Variants in TMEM217 observed in about 807,000 individuals in gnomAD.
TMEM217 encodes transmembrane protein 217, also known as chromosome 6 open reading frame 128.
For missense variants in TMEM217, 204 were observed against 248.8 expected (o/e 0.82, Z 1.21); for synonymous variants, 76 against 88.3 (o/e 0.86, Z 0.78).
At chr6:37,240,302 G>A (rs1764701748) in intron 1 of TMEM217, among the ~76,000 whole-genome samples, 1 of 152,198 alleles carries the variant, frequency 6.6e-6, no homozygotes, top group African/African-American at 2.4e-5. Context: ...GGCCTGGGCT[G>A]GGGGCCATCT....
intron 1 of TMEM217, among the ~76,000 whole-genome samples, chr6:37,244,403 A>G (rs1479333156): frequency 6.6e-6 from 1 of 152,242 alleles, no homozygotes; most frequent in African/African-American, 2.4e-5. Context: ...GTAAACTTCT[A>G]TTGTGTCTAA....
At chr6:37,224,966 T>C (rs894059553) in intron 1 of TMEM217, among the ~76,000 whole-genome samples, 3 of 150,898 alleles carry the variant, frequency 2.0e-5, no homozygotes, top group Admixed American at 2.0e-4. Context: ...ATTGCTTGAG[T>C]ACAGGAGTTC....
At chr6:37,217,975 G>C in exon 2 of TMEM217, 2 of 988,428 alleles carry the variant, frequency 2.0e-6, no homozygotes, top group Non-Finnish European at 2.4e-6. Context: ...AGGATGTTCC[G>C]GTTGTGATTA....
chr6:37,243,436 C>T (rs1764890380), intron 1 of TMEM217, among the ~76,000 whole-genome samples: 1 of 152,168 alleles, frequency 6.6e-6, no homozygotes, highest in South Asian at 2.1e-4. Flanking sequence ...AGTGTAATTG[C>T]CCAGTGGGTT....
intron 1 of TMEM217, among the ~76,000 whole-genome samples, chr6:37,236,170 A>G (rs2113871524): frequency 6.6e-6 from 1 of 152,320 alleles, no homozygotes; most frequent in East Asian, 1.9e-4. Context: ...TTAAAAAAAC[A>G]GAGACATGGT....
chr6:37,222,405 C>G (rs887030362), intron 1 of TMEM217, among the ~76,000 whole-genome samples: 3 of 152,248 alleles, frequency 2.0e-5, no homozygotes, highest in Non-Finnish European at 4.4e-5. Flanking sequence ...GAGCAGACAT[C>G]CGGGAGCCTG....
chr6:37,252,639 T>A (rs12195951), intron 1 of TMEM217, among the ~76,000 whole-genome samples: 1,202 of 42,594 alleles, frequency 0.028, 10 homozygotes, highest in East Asian at 0.085. Context: ...ATATATATAT[T>A]TTTTTTTTTT....
rs923497527 is a variant in TMEM217 at position 37,241,407 on chromosome 6, C to T, written c.-12+16161G>A. Among the ~76,000 whole-genome samples, 7 of 152,268 alleles carry T rather than the reference C, an allele frequency of 4.6e-5. No individual in the cohort carries two copies. In the East Asian group the frequency reaches 5.8e-4, roughly 13 times the overall value. On this transcript the variant is annotated intron_variant, in intron 1 of 1. Transcript: ENST00000357219. The stretch of plus-strand genomic sequence containing the variant: ...AAGGAGGGAAGCAGGACCTCAAAAG[C>T]GACATCTCAGCATTGTACCTGGAGA...
At chr6:37,237,942 G>C (rs1764579881) in intron 1 of TMEM217, among the ~76,000 whole-genome samples, 1 of 152,154 alleles carries the variant, frequency 6.6e-6, no homozygotes, top group Non-Finnish European at 1.5e-5. Flanking sequence ...GGCCAGGGGA[G>C]GAAGTAAAAT....
chr6:37,255,336 C>T (rs1765657444), intron 1 of TMEM217, among the ~76,000 whole-genome samples: 1 of 151,896 alleles, frequency 6.6e-6, no homozygotes, highest in African/African-American at 2.4e-5. Context: ...ACAATGGGGG[C>T]CATTGCAAAG....
chr6:37,239,097 A>G (rs1224293), intron 1 of TMEM217, among the ~76,000 whole-genome samples: 8,345 of 152,280 alleles, frequency 0.055, 755 homozygotes, highest in African/African-American at 0.19. Flanking sequence ...ATGCCACTGC[A>G]CTCCAGCCTG....
intron 1 of TMEM217, among the ~76,000 whole-genome samples, chr6:37,228,761 G>T (rs1237119174): frequency 1.3e-5 from 2 of 151,854 alleles, no homozygotes; most frequent in Non-Finnish European, 2.9e-5. Context: ...ACTTTGGGAG[G>T]CCGAGGCAGG....
downstream of TMEM217, chr6:37,212,841 G>T (rs1463488972): frequency 8.5e-7 from 1 of 1,171,714 alleles, no homozygotes; most frequent in Non-Finnish European, 1.2e-6. Context: ...CCGACTTTGA[G>T]TCCACGTAGA....
intron 1 of TMEM217, among the ~76,000 whole-genome samples, chr6:37,252,633 A>ATTT (rs1347062653): frequency 7.4e-4 from 56 of 75,238 alleles, no homozygotes; most frequent in African/African-American, 3.1e-3. Flanking sequence ...ATATATATAT[A>ATTT]TATATTTTTT....
chr6:37,232,841 CT>C (rs1187203278), intron 1 of TMEM217, among the ~76,000 whole-genome samples: 1 of 152,224 alleles, frequency 6.6e-6, no homozygotes. Context: ...CCAAACTCAC[CT>C]TGTTTTTCTC....
chr6:37,234,605 T>C (rs1764389666), intron 1 of TMEM217, among the ~76,000 whole-genome samples: 1 of 151,964 alleles, frequency 6.6e-6, no homozygotes, highest in Non-Finnish European at 1.5e-5. Flanking sequence ...ATGTGGTGGC[T>C]TGTGTTTGTA....
At chr6:37,258,095 T>G in exon 1 of TMEM217, 1 of 1,135,088 alleles carries the variant, frequency 8.8e-7, no homozygotes, top group Non-Finnish European at 1.2e-6. Flanking sequence ...AAGCTGGGAC[T>G]GCCTGGTGGC....
intron 1 of TMEM217, among the ~76,000 whole-genome samples, chr6:37,230,324 G>A (rs977269988): frequency 1.1e-4 from 16 of 152,096 alleles, no homozygotes; most frequent in South Asian, 2.1e-4. Context: ...TCCCTTTTGC[G>A]TACTCACAGG....
intron 1 of TMEM217, among the ~76,000 whole-genome samples, chr6:37,239,430 G>A (rs989424965): frequency 2.0e-5 from 3 of 151,896 alleles, no homozygotes; most frequent in South Asian, 2.1e-4. Flanking sequence ...AACCATGATC[G>A]TGCCACTGAA....
Sources: allele counts gnomAD v4.1 joint callset (sites outside exome capture counted in the v4.1 genomes callset), GRCh38; gene constraint gnomAD v4.1.1; transcripts MANE v1.5; gene names NCBI Gene and HGNC (gene_info 2026-07-23, HGNC 2026-07-21).